The following MSI2 variants were observed in gnomAD, a reference collection of about 807,000 sequenced individuals.
The protein encoded by MSI2 is RNA-binding protein Musashi homolog 2.
A neutral mutation model predicts 45.6 loss-of-function variants in MSI2; 17 were observed. The observed-to-expected ratio is 0.37, with a 90% CI of 0.26 to 0.56. The LOEUF is 0.56. Ranked by LOEUF, MSI2 falls within the 20% of genes least tolerant of loss-of-function variation. MSI2 has a pLI of 0.77. For missense variants in MSI2, 293 were observed against 444.2 expected (o/e 0.66, Z 3.06); for synonymous variants, 156 against 158.2 (o/e 0.99, Z 0.11).
At chr17:57,641,140 T>A (rs1327879924) in intron 10 of MSI2, among the ~76,000 whole-genome samples, 1 of 152,182 alleles carries the variant, frequency 6.6e-6, no homozygotes, top group Non-Finnish European at 1.5e-5. Flanking sequence ...GGGTTGGTGG[T>A]GTCTGCCCTT....
rs146611350 is a variant in MSI2, at chr17:57,372,830, C to T, written c.313-28549C>T. On this transcript the variant is annotated intron_variant, in intron 5 of 13. Transcript: ENST00000284073. ...GTGTTTCTGAATGTGATTTGAAATC[C>T]GCCACCCCAATGAGAATGAGGACAG... Among the ~76,000 whole-genome samples, 393 of 152,148 alleles carry T rather than the reference C, an allele frequency of 2.6e-3. 3 individuals are homozygous for T. Among genetic ancestry groups the T allele is most frequent in the African/African-American group, 9.0e-3 (375 of 41,506 alleles).
chr17:57,316,622 A>G (rs866917575), intron 5 of MSI2, among the ~76,000 whole-genome samples: 6 of 152,328 alleles, frequency 3.9e-5, no homozygotes, highest in Middle Eastern at 3.4e-3. Context: ...CGCTGCTCCC[A>G]GTCCATTCCT....
chr17:57,564,561 A>G (rs1401775834), intron 7 of MSI2, among the ~76,000 whole-genome samples: 1 of 152,122 alleles, frequency 6.6e-6, no homozygotes, highest in Non-Finnish European at 1.5e-5. Flanking sequence ...TTGCAGTCTG[A>G]GTCCTGGGCA....
intron 7 of MSI2, among the ~76,000 whole-genome samples, chr17:57,577,341 C>T (rs927601996): frequency 6.6e-6 from 1 of 152,194 alleles, no homozygotes; most frequent in African/African-American, 2.4e-5. Flanking sequence ...ATTGATGAGG[C>T]AGCAAGATGG....
At chr17:57,285,850 T>C in intron 5 of MSI2, 1 of 1,495,890 alleles carries the variant, frequency 6.7e-7, no homozygotes, top group Non-Finnish European at 8.8e-7. Context: ...TCACTTTCTG[T>C]TGTGTAGTTC....
At chr17:57,258,660 G>GC (rs1237337446) in intron 4 of MSI2, among the ~76,000 whole-genome samples, 1 of 152,212 alleles carries the variant, frequency 6.6e-6, no homozygotes, top group Non-Finnish European at 1.5e-5. Context: ...GAGAGCAAAT[G>GC]CAACTTTTCT....
intron 7 of MSI2, among the ~76,000 whole-genome samples, chr17:57,557,748 C>G (rs1049342376): frequency 6.6e-6 from 1 of 152,222 alleles, no homozygotes; most frequent in Middle Eastern, 3.2e-3. Flanking sequence ...CTTGGGAGTG[C>G]ACAGTCCCTA....
chr17:57,697,876 A>G, the MSI2 span, among the ~76,000 whole-genome samples: 1 of 152,166 alleles, frequency 6.6e-6, no homozygotes, highest in Non-Finnish European at 1.5e-5. Flanking sequence ...CTACAATTCA[A>G]TATGAGATTT....
intron 5 of MSI2, among the ~76,000 whole-genome samples, chr17:57,361,895 T>C (rs1293501137): frequency 2.0e-5 from 3 of 152,266 alleles, no homozygotes; most frequent in Admixed American, 6.5e-5. Context: ...GATCATTTTA[T>C]ATATGTGTAT....
Position 57,465,214 on chromosome 17 carries a change from T to A in MSI2, c.405+63743T>A, listed in dbSNP as rs920584587. On this transcript the variant is annotated intron_variant, in intron 6 of 13. Coordinates refer to ENST00000284073, the MANE Select transcript of MSI2 (RefSeq NM_138962.4). The stretch of plus-strand genomic sequence containing the variant: ...CGGTGGCTCAGGCCTATAATCCCAG[T>A]ACTTTGAGAAGCCAAGGCGGGTGGA... Among the ~76,000 whole-genome samples, 3 of 152,086 alleles carry A rather than the reference T, an allele frequency of 2.0e-5. No individual in the cohort carries two copies. The East Asian group carries it at 5.8e-4, about 29-fold the overall frequency.
intron 7 of MSI2, among the ~76,000 whole-genome samples, chr17:57,586,675 C>T (rs907247128): frequency 6.6e-6 from 1 of 152,242 alleles, no homozygotes; most frequent in Admixed American, 6.5e-5. Flanking sequence ...GAGAAAACAG[C>T]TTTGTCTTTC....
rs542825574 is a variant in MSI2, at chr17:57,584,197, C to T, written c.455-12671C>T. Reference sequence around the variant, plus strand: ...GAAGAGTCAGGGAGCAGTCTCCGCTCCCTCCTGGCAGAGCCGCCACGCCAA... The same window carrying T: ...GAAGAGTCAGGGAGCAGTCTCCGCTTCCTCCTGGCAGAGCCGCCACGCCAA... On this transcript the variant is annotated intron_variant, in intron 7 of 13. Coordinates refer to ENST00000284073, the MANE Select transcript of MSI2 (RefSeq NM_138962.4). Among the ~76,000 whole-genome samples the T allele has an allele frequency of 8.3e-4, 126 of 152,330 alleles. 1 individual carries two copies. The highest frequency in any genetic ancestry group is 1.6e-3 in the Non-Finnish European group (110 of 68,030).
intron 12 of MSI2, among the ~76,000 whole-genome samples, chr17:57,675,497 C>A (rs9915530): frequency 0.63 from 95,422 of 152,074 alleles, 30,069 homozygotes; most frequent in Admixed American, 0.66. Context: ...AAACAGTGTC[C>A]CACGCTGGCA....
intron 5 of MSI2, among the ~76,000 whole-genome samples, chr17:57,269,965 A>G (rs1359971655): frequency 6.6e-6 from 1 of 152,104 alleles, no homozygotes; most frequent in Non-Finnish European, 1.5e-5. Context: ...CAGCAGCCTC[A>G]CTTGGTCGGT....
chr17:57,467,045 T>C (rs2085342910), intron 6 of MSI2, among the ~76,000 whole-genome samples: 1 of 152,226 alleles, frequency 6.6e-6, no homozygotes, highest in South Asian at 2.1e-4. Context: ...TCACTGTGTA[T>C]CTTTTTAGAG....
At chr17:57,379,723 G>T (rs2083565671) in intron 5 of MSI2, among the ~76,000 whole-genome samples, 1 of 152,138 alleles carries the variant, frequency 6.6e-6, no homozygotes. Context: ...GAGAAGTGGG[G>T]CCCCTGGAGT....
At chr17:57,448,553 T>TAACA (rs1428805042) in intron 6 of MSI2, 1 of 152,252 alleles carries the variant, frequency 6.6e-6, no homozygotes, top group Non-Finnish European at 1.5e-5. Flanking sequence ...AGGCTGTTAG[T>TAACA]AACAAACATT....
chr17:57,315,846 G>A (rs1341597393), intron 5 of MSI2, among the ~76,000 whole-genome samples: 1 of 152,044 alleles, frequency 6.6e-6, no homozygotes. Context: ...TGGGAGACTT[G>A]GTTAATGCAT....
At chr17:57,675,351 C>T (rs556202177) in intron 12 of MSI2, among the ~76,000 whole-genome samples, 6 of 152,304 alleles carry the variant, frequency 3.9e-5, no homozygotes, top group Admixed American at 1.3e-4. Context: ...TGGGCAGGTC[C>T]GGTTCAGATC....
Sources: allele counts gnomAD v4.1 joint callset (sites outside exome capture counted in the v4.1 genomes callset), GRCh38; gene constraint gnomAD v4.1.1; transcripts MANE v1.5; gene names NCBI Gene and HGNC (gene_info 2026-07-23, HGNC 2026-07-21).